CPXM2: variants seen among roughly 807,000 people sequenced by gnomAD.
CPXM2 encodes the protein inactive carboxypeptidase-like protein X2.
Under a neutral mutation model 86.1 loss-of-function variants are expected in CPXM2, and 66 were observed. The ratio of observed to expected loss-of-function variants is 0.77; its 90% CI spans 0.63 to 0.94. The LOEUF (loss-of-function observed/expected upper bound fraction) is 0.94. Among genes scored for constraint, CPXM2 ranks in the 40% least tolerant of loss-of-function variants. CPXM2 has a pLI of 0.00. For missense variants in CPXM2, 948 were observed against 1,026.3 expected, an observed-to-expected ratio of 0.92 and a Z score of 1.04; for synonymous variants, 388 against 400.2, an observed-to-expected ratio of 0.97 and a Z score of 0.36.
At chr10:123,768,182 G>A (rs772909277) in intron 9 of CPXM2, among the ~76,000 whole-genome samples, 8 of 152,114 alleles carry the variant, frequency 5.3e-5, no homozygotes, top group Non-Finnish European at 1.2e-4. Flanking sequence ...TAGGTCACGA[G>A]TTTGAGACCA....
chr10:123,935,321 T>C (rs567611040), intron 2 of CPXM2, among the ~76,000 whole-genome samples: 5 of 152,288 alleles, frequency 3.3e-5, no homozygotes, highest in South Asian at 2.1e-4. Flanking sequence ...GCATTTTCAA[T>C]TGCGGCGGGG....
At chr10:123,750,642 T>A (rs7898490) in intron 13 of CPXM2, 1 of 966,228 alleles carries the variant, frequency 1.0e-6, no homozygotes, top group East Asian at 1.1e-4. Context: ...CTTTTAGAGG[T>A]CATATTTGTT....
chr10:123,829,631 T>C (rs1848123164), intron 4 of CPXM2, among the ~76,000 whole-genome samples: 1 of 152,058 alleles, frequency 6.6e-6, no homozygotes, highest in Non-Finnish European at 1.5e-5. Context: ...CCCTAAAAGA[T>C]CAACAGAAAT....
chr10:123,847,608 T>C (rs1212027354), intron 3 of CPXM2, among the ~76,000 whole-genome samples: 1 of 152,178 alleles, frequency 6.6e-6, no homozygotes, highest in Non-Finnish European at 1.5e-5. Context: ...CCATCCACAG[T>C]GCTTGATGGT....
rs560575515 is a variant in CPXM2 at position 123,795,345 on chromosome 10, A to G, written c.889+2631T>C. ...AAAAATTTCTGGAAACATTATGCATAGAGTCTTAAAAAGCACCAGCACCCT... is the reference window on the plus strand; with the variant it reads ...AAAAATTTCTGGAAACATTATGCATGGAGTCTTAAAAAGCACCAGCACCCT... On this transcript the variant is annotated intron_variant, in intron 6 of 13. Coordinates refer to ENST00000241305, the MANE Select transcript of CPXM2 (RefSeq NM_198148.3). Among the ~76,000 whole-genome samples the G allele has an allele frequency of 2.0e-5, 3 of 152,186 alleles. No homozygotes were observed. The East Asian group carries it at 5.8e-4, about 29-fold the overall frequency.
intron 2 of CPXM2, among the ~76,000 whole-genome samples, chr10:123,915,507 G>A (rs938588637): frequency 6.6e-6 from 1 of 152,160 alleles, no homozygotes; most frequent in Admixed American, 6.5e-5. Context: ...GCAGTGAGTG[G>A]AGGTCGGGCC....
chr10:123,830,860 C>CTT (rs1848150608), intron 4 of CPXM2, among the ~76,000 whole-genome samples: 1 of 96,550 alleles, frequency 1.0e-5, no homozygotes, highest in Non-Finnish European at 2.2e-5. Flanking sequence ...TCATCTCTCT[C>CTT]TCTCTCTCTC....
At chr10:123,923,414 A>G (rs916123296) in intron 2 of CPXM2, among the ~76,000 whole-genome samples, 3 of 63,290 alleles carry the variant, frequency 4.7e-5, no homozygotes. Flanking sequence ...CCCCGTCTCT[A>G]CTAAAAATAC....
Position 123,798,134 on chromosome 10 carries a change from T to C in CPXM2, c.739-8A>G, listed in dbSNP as rs1434993228. Reference sequence around the variant, plus strand: ...ACTGTTTCCCTCAAATATCTATTTATGCTCATGGGAGAAAAGGAAAATCTT... The same window carrying C: ...ACTGTTTCCCTCAAATATCTATTTACGCTCATGGGAGAAAAGGAAAATCTT... On this transcript the variant is annotated splice_polypyrimidine_tract_variant and splice_region_variant and intron_variant, in intron 5 of 13. Transcript: ENST00000241305. The C allele has an allele frequency of 1.9e-6, 3 of 1,584,030 alleles. No homozygotes were observed. The highest frequency in any genetic ancestry group is 2.6e-6 in the Non-Finnish European group (3 of 1,166,380).
intron 6 of CPXM2, among the ~76,000 whole-genome samples, chr10:123,782,680 T>C (rs908879031): frequency 6.6e-6 from 1 of 152,176 alleles, no homozygotes; most frequent in Non-Finnish European, 1.5e-5. Flanking sequence ...CGGTTAGTCA[T>C]CTAAGCCTGC....
At chr10:123,824,411 C>T (rs973484973) in intron 4 of CPXM2, among the ~76,000 whole-genome samples, 1 of 152,154 alleles carries the variant, frequency 6.6e-6, no homozygotes, top group Non-Finnish European at 1.5e-5. Context: ...ATAGGCTCAA[C>T]CATTCCTTCA....
chr10:123,801,401 T>C (rs936757333), intron 4 of CPXM2, among the ~76,000 whole-genome samples: 22 of 152,178 alleles, frequency 1.4e-4, no homozygotes, highest in African/African-American at 4.3e-4. Flanking sequence ...ATAAGTTACC[T>C]AGTCTCGGGT....
At chr10:123,810,023 A>G (rs979541566) in intron 4 of CPXM2, among the ~76,000 whole-genome samples, 1 of 152,028 alleles carries the variant, frequency 6.6e-6, no homozygotes, top group African/African-American at 2.4e-5. Context: ...CAGACCCAAA[A>G]TGTAAGAAAG....
intron 4 of CPXM2, among the ~76,000 whole-genome samples, chr10:123,832,943 C>T (rs900442983): frequency 6.6e-5 from 10 of 152,096 alleles, no homozygotes; most frequent in African/African-American, 1.7e-4. Flanking sequence ...CCATCCTTTC[C>T]GCCATGGGAG....
chr10:123,767,574 A>G lies in CPXM2; in HGVS notation c.1300-422T>C, dbSNP rs542549919. Among the ~76,000 whole-genome samples the G allele has an allele frequency of 4.6e-5, 7 of 152,300 alleles. No homozygotes were observed. The East Asian group carries it at 1.2e-3, about 25-fold the overall frequency. On this transcript the variant is annotated intron_variant, in intron 9 of 13. Transcript: ENST00000241305. ...GCAATGCAAATTCCTAACTGACTATATCTGCACCAATAAATGTGACCACAT... is the reference window on the plus strand; with the variant it reads ...GCAATGCAAATTCCTAACTGACTATGTCTGCACCAATAAATGTGACCACAT...
chr10:123,910,456 C>T (rs1181267651), intron 2 of CPXM2, among the ~76,000 whole-genome samples: 3 of 152,138 alleles, frequency 2.0e-5, no homozygotes, highest in African/African-American at 7.2e-5. Flanking sequence ...AACTGCACCC[C>T]CGGCCCCTGT....
chr10:123,916,465 T>G (rs1945534219), intron 2 of CPXM2, among the ~76,000 whole-genome samples: 1 of 152,188 alleles, frequency 6.6e-6, no homozygotes, highest in Non-Finnish European at 1.5e-5. Context: ...CACTCTGTGC[T>G]CCTTTCCATG....
intron 2 of CPXM2, among the ~76,000 whole-genome samples, chr10:123,918,224 T>C (rs150139727): frequency 6.6e-6 from 1 of 152,258 alleles, no homozygotes; most frequent in Non-Finnish European, 1.5e-5. Context: ...TGAAAACAAA[T>C]AGAAATGACC....
intron 3 of CPXM2, among the ~76,000 whole-genome samples, chr10:123,856,170 T>G (rs1848718601): frequency 6.6e-6 from 1 of 152,170 alleles, no homozygotes; most frequent in South Asian, 2.1e-4. Flanking sequence ...CGGTCCCCAG[T>G]TATAGGCAGG....
Sources: gnomAD v4.1 joint callset for allele counts (sites outside exome capture counted in the v4.1 genomes callset) on GRCh38, gnomAD v4.1.1 for gene constraint, MANE v1.5 for transcripts, NCBI Gene and HGNC (gene_info 2026-07-23, HGNC 2026-07-21) for gene names.